MAGI3: variants seen among roughly 807,000 people sequenced by gnomAD.
MAGI3 encodes membrane-associated guanylate kinase, WW and PDZ domain-containing protein 3.
Under a neutral mutation model 121.8 loss-of-function variants are expected in MAGI3, and 43 were observed. That is an observed-to-expected ratio of 0.35 (90% CI 0.28 to 0.46). MAGI3 has a LOEUF of 0.46. Ranked by LOEUF, MAGI3 falls within the 20% of genes least tolerant of loss-of-function variation. The pLI is 1.00. For missense variants in MAGI3, 1,547 were observed against 1,797.3 expected (o/e 0.86, Z 2.52); for synonymous variants, 553 against 639.3 (o/e 0.86, Z 2.04).
chr1:113,496,185 G>T (rs913008109), intron 1 of MAGI3, among the ~76,000 whole-genome samples: 3 of 151,974 alleles, frequency 2.0e-5, no homozygotes, highest in Non-Finnish European at 2.9e-5. Flanking sequence ...CTTCATTGTT[G>T]AAAAATGAAC....
chr1:113,495,752 G>T (rs1351743442), intron 1 of MAGI3, among the ~76,000 whole-genome samples: 1 of 152,146 alleles, frequency 6.6e-6, no homozygotes, highest in Non-Finnish European at 1.5e-5. Context: ...GGGATATAAA[G>T]TCTGTTATCC....
chr1:113,540,390 A>C (rs1659232285), intron 1 of MAGI3, among the ~76,000 whole-genome samples: 1 of 152,198 alleles, frequency 6.6e-6, no homozygotes, highest in Non-Finnish European at 1.5e-5. Context: ...ACCAATGGGG[A>C]GGAGAGATGA....
At chr1:113,478,709 C>G (rs1655972083) in intron 1 of MAGI3, among the ~76,000 whole-genome samples, 1 of 152,186 alleles carries the variant, frequency 6.6e-6, no homozygotes, top group Admixed American at 6.5e-5. Flanking sequence ...GGATCAGGGA[C>G]CCACTTGAGG....
At chr1:113,438,814 C>T (rs1263564099) in intron 1 of MAGI3, among the ~76,000 whole-genome samples, 1 of 152,234 alleles carries the variant, frequency 6.6e-6, no homozygotes, top group Non-Finnish European at 1.5e-5. Flanking sequence ...AACATCTAAA[C>T]TCTATCAGGT....
At chr1:113,567,993 A>G (rs1017009865) in intron 2 of MAGI3, among the ~76,000 whole-genome samples, 2 of 152,098 alleles carry the variant, frequency 1.3e-5, no homozygotes, top group African/African-American at 4.8e-5. Flanking sequence ...CATTATGCTA[A>G]GTAAAAGAAG....
At chr1:113,558,378 A>G (rs746447807) in intron 2 of MAGI3, among the ~76,000 whole-genome samples, 1 of 152,236 alleles carries the variant, frequency 6.6e-6, no homozygotes, top group Non-Finnish European at 1.5e-5. Context: ...CCCCTGTTAT[A>G]GCTGAAAACA....
intron 1 of MAGI3, among the ~76,000 whole-genome samples, chr1:113,454,781 A>G (rs1654664420): frequency 6.6e-6 from 1 of 152,310 alleles, no homozygotes; most frequent in Non-Finnish European, 1.5e-5. Context: ...CAGAATTTCA[A>G]TGAGAATTAA....
intron 2 of MAGI3, chr1:113,576,617 CT>C (rs1427363950): frequency 6.6e-6 from 1 of 152,204 alleles, no homozygotes; most frequent in Non-Finnish European, 1.5e-5. Flanking sequence ...ATCTTGCCAG[CT>C]CCCACAAATC....
chr1:113,602,553 A>G (rs1162183234), intron 6 of MAGI3, among the ~76,000 whole-genome samples: 2 of 152,238 alleles, frequency 1.3e-5, no homozygotes, highest in Non-Finnish European at 2.9e-5. Flanking sequence ...ACCTCAAGGA[A>G]CTAGAGAAAC....
At chr1:113,596,050 TAATAC>T (rs1557842644) in intron 6 of MAGI3, among the ~76,000 whole-genome samples, 2 of 150,708 alleles carry the variant, frequency 1.3e-5, no homozygotes, top group Non-Finnish European at 3.0e-5. Flanking sequence ...ATACTAATAC[TAATAC>T]TAATAATAAT....
At chr1:113,549,456 A>G in intron 1 of MAGI3, 59 bp from the exon 2 acceptor site, 1 of 902,072 alleles carries the variant, frequency 1.1e-6, no homozygotes, top group Non-Finnish European at 1.8e-6. Flanking sequence ...TCTATATTTA[A>G]GTGAACGTCT....
At chr1:113,449,538 C>T (rs1341963081) in intron 1 of MAGI3, among the ~76,000 whole-genome samples, 1 of 152,122 alleles carries the variant, frequency 6.6e-6, no homozygotes, top group Non-Finnish European at 1.5e-5. Context: ...CGACATCCAT[C>T]CAGAACAGAG....
chr1:113,614,966 A>C (rs1048668257), intron 7 of MAGI3, among the ~76,000 whole-genome samples: 1 of 152,298 alleles, frequency 6.6e-6, no homozygotes, highest in Admixed American at 6.5e-5. Flanking sequence ...AAATGAGGGC[A>C]ACAGACTAGA....
In MAGI3 at chr1:113,522,030, T is replaced by C. The variant is rs573413363; in HGVS notation, c.317-27485T>C. On this transcript the variant is annotated intron_variant, in intron 1 of 20. Coordinates refer to ENST00000307546, the MANE Select transcript of MAGI3 (RefSeq NM_001142782.2). Reference sequence around the variant, plus strand: ...ATAACTCAAGAACCTGAGCTCTGGGTGTGGAGCTTTACTAACTCTTCTTCC... The same window carrying C: ...ATAACTCAAGAACCTGAGCTCTGGGCGTGGAGCTTTACTAACTCTTCTTCC... Among the ~76,000 whole-genome samples, 333 of 152,314 alleles carry C rather than the reference T, an allele frequency of 2.2e-3. 1 individual carries two copies. Among genetic ancestry groups the C allele is most frequent in the Non-Finnish European group, 3.2e-3 (219 of 68,018 alleles).
chr1:113,416,078 GAC>G (rs1344550099), intron 1 of MAGI3, among the ~76,000 whole-genome samples: 44 of 122,822 alleles, frequency 3.6e-4, no homozygotes, highest in African/African-American at 1.2e-3. Flanking sequence ...TGTAATTAAT[GAC>G]ACATATTAAT....
intron 1 of MAGI3, among the ~76,000 whole-genome samples, chr1:113,487,479 G>A (rs1656437924): frequency 6.6e-6 from 1 of 152,004 alleles, no homozygotes; most frequent in African/African-American, 2.4e-5. Context: ...ATAACCTTGA[G>A]CAGTAGGATA....
intron 1 of MAGI3, among the ~76,000 whole-genome samples, chr1:113,392,704 A>T (rs1190781399): frequency 6.6e-6 from 1 of 152,084 alleles, no homozygotes; most frequent in African/African-American, 2.4e-5. Context: ...TATTGTTGTT[A>T]ATTTTTTAAA....
chr1:113,437,279 A>G (rs1320851326), intron 1 of MAGI3, among the ~76,000 whole-genome samples: 1 of 152,006 alleles, frequency 6.6e-6, no homozygotes, highest in East Asian at 1.9e-4. Context: ...TTGGAACTAA[A>G]CTCATCTTTA....
chr1:113,483,836 T>G (rs1318949042), intron 1 of MAGI3, among the ~76,000 whole-genome samples: 1 of 152,126 alleles, frequency 6.6e-6, no homozygotes, highest in Non-Finnish European at 1.5e-5. Context: ...AGTACCAGTG[T>G]GTCTTAATTA....
Sources: allele counts gnomAD v4.1 joint callset (sites outside exome capture counted in the v4.1 genomes callset), GRCh38; gene constraint gnomAD v4.1.1; transcripts MANE v1.5; gene names NCBI Gene and HGNC (gene_info 2026-07-23, HGNC 2026-07-21).